NTNG1: variants seen among roughly 807,000 people sequenced by gnomAD.
The protein encoded by NTNG1 is netrin G1.
NTNG1 carries 16 observed loss-of-function variants against 54.0 expected under a neutral mutation model. The observed-to-expected ratio is 0.30, with a 90% confidence interval of 0.20 to 0.45. The LOEUF is 0.45. Ranked by LOEUF, NTNG1 falls within the 20% of genes least tolerant of loss-of-function variation. NTNG1 has a pLI of 1.00. For missense variants in NTNG1, 530 were observed against 678.7 expected (o/e 0.78, Z 2.43); for synonymous variants, 255 against 263.1 (o/e 0.97, Z 0.30).
intron 2 of NTNG1, among the ~76,000 whole-genome samples, chr1:107,221,773 G>C (rs1179466153): frequency 6.6e-6 from 1 of 151,988 alleles, no homozygotes; most frequent in Non-Finnish European, 1.5e-5. Context: ...AAAGAGAGTG[G>C]GACATTTTTG....
intron 5 of NTNG1, among the ~76,000 whole-genome samples, chr1:107,423,658 G>A (rs1456879781): frequency 2.6e-5 from 4 of 152,034 alleles, no homozygotes; most frequent in Admixed American, 2.6e-4. Context: ...TGTCTGAAAT[G>A]CAATTTGACA....
intron 2 of NTNG1, among the ~76,000 whole-genome samples, chr1:107,283,254 C>G (rs1484777673): frequency 6.6e-6 from 1 of 152,128 alleles, no homozygotes; most frequent in African/African-American, 2.4e-5. Flanking sequence ...GTACTAAATT[C>G]CAACTTGATT....
intron 2 of NTNG1, among the ~76,000 whole-genome samples, chr1:107,298,121 A>T (rs1161829625): frequency 6.6e-6 from 1 of 152,148 alleles, no homozygotes; most frequent in Non-Finnish European, 1.5e-5. Flanking sequence ...CAACAAATGG[A>T]TCAAAATTAA....
At chr1:107,170,292 C>G (rs912232111) in intron 2 of NTNG1, among the ~76,000 whole-genome samples, 1 of 152,030 alleles carries the variant, frequency 6.6e-6, no homozygotes, top group African/African-American at 2.4e-5. Context: ...GGAGTTTGAG[C>G]CTAAGGAAGA....
intron 3 of NTNG1, among the ~76,000 whole-genome samples, chr1:107,388,138 A>G (rs560574294): frequency 6.6e-6 from 1 of 152,312 alleles, no homozygotes; most frequent in African/African-American, 2.4e-5. Flanking sequence ...CTCATGGTGT[A>G]TCCATAGACT....
At chr1:107,453,604 A>T (rs1676754225) in intron 7 of NTNG1, among the ~76,000 whole-genome samples, 1 of 152,094 alleles carries the variant, frequency 6.6e-6, no homozygotes, top group Non-Finnish European at 1.5e-5. Flanking sequence ...TGTACTTAAG[A>T]TTTTCCTGCT....
intron 3 of NTNG1, among the ~76,000 whole-genome samples, chr1:107,388,148 T>C (rs1672131238): frequency 6.6e-6 from 1 of 152,198 alleles, no homozygotes; most frequent in African/African-American, 2.4e-5. Flanking sequence ...ATCCATAGAC[T>C]ATCCCATTAA....
chr1:107,175,417 G>C (rs1017629165), intron 2 of NTNG1, among the ~76,000 whole-genome samples: 2 of 152,160 alleles, frequency 1.3e-5, no homozygotes, highest in African/African-American at 4.8e-5. Flanking sequence ...TCCCTAGGTA[G>C]CCATCAGGAT....
At chr1:107,454,020 C>G (rs1439016681) in intron 7 of NTNG1, among the ~76,000 whole-genome samples, 1 of 152,116 alleles carries the variant, frequency 6.6e-6, no homozygotes, top group African/African-American at 2.4e-5. Flanking sequence ...ACCTCAAGCC[C>G]AACCCTCCTT....
rs374847450 is a variant in NTNG1, at chr1:107,141,800, T to C, written c.-526+660T>C. On this transcript the variant is annotated intron_variant, in intron 1 of 7. Transcript: ENST00000370068. ...ACAGGGGCCCCGCGCTCTCCCTCTC[T>C]CACGCACACCTGGCCACACACATCG... Among the ~76,000 whole-genome samples the C allele has an allele frequency of 6.5e-4, 99 of 152,296 alleles. 1 individual carries two copies. In the East Asian group the frequency reaches 0.018, roughly 27 times the overall value.
intron 2 of NTNG1, among the ~76,000 whole-genome samples, chr1:107,246,275 G>C (rs375656755): frequency 6.6e-6 from 1 of 151,984 alleles, no homozygotes; most frequent in Non-Finnish European, 1.5e-5. Context: ...GAATAGTCTC[G>C]ATCTCCTGAC....
intron 2 of NTNG1, among the ~76,000 whole-genome samples, chr1:107,169,141 T>C (rs866150181): frequency 6.6e-6 from 1 of 152,182 alleles, no homozygotes; most frequent in South Asian, 2.1e-4. Context: ...GGTTCCATTC[T>C]GATAATGAAA....
intron 3 of NTNG1, among the ~76,000 whole-genome samples, chr1:107,373,418 T>C (rs968769759): frequency 1.3e-5 from 2 of 152,128 alleles, no homozygotes; most frequent in East Asian, 1.9e-4. Flanking sequence ...TTTACAGATA[T>C]ATATATATCT....
chr1:107,246,408 CAAAAAA>C (rs61237534), intron 2 of NTNG1, among the ~76,000 whole-genome samples: 1 of 138,572 alleles, frequency 7.2e-6, no homozygotes, highest in Admixed American at 7.2e-5. Context: ...CTTGTTTAAG[CAAAAAA>C]AAAAAAAAAA....
chr1:107,247,507 G>C (rs1004915222), intron 2 of NTNG1, among the ~76,000 whole-genome samples: 1 of 152,170 alleles, frequency 6.6e-6, no homozygotes, highest in African/African-American at 2.4e-5. Context: ...CTTTCAGTGT[G>C]TGTTAGTGAA....
chr1:107,313,173 A>G (rs544509897), intron 2 of NTNG1, among the ~76,000 whole-genome samples: 6 of 152,240 alleles, frequency 3.9e-5, no homozygotes, highest in African/African-American at 1.4e-4. Context: ...GTTTCTCAAA[A>G]TTTTTATGAT....
chr1:107,459,793 G>A (rs920643642), intron 7 of NTNG1, among the ~76,000 whole-genome samples: 2 of 152,088 alleles, frequency 1.3e-5, no homozygotes, highest in Non-Finnish European at 2.9e-5. Flanking sequence ...ACACGGTTTT[G>A]GAATGTTTTA....
At position 107,151,528 on chromosome 1, in the gene NTNG1, T is replaced by C. The variant is rs1185135100; in HGVS notation, c.246+2689T>C. On this transcript the variant is annotated intron_variant, in intron 2 of 7. Transcript: ENST00000370068. ...ACTGCTTAGCCCCTATATGTAAATG[T>C]TTGCTGCAAAATTGTTTCAGTAATC... 2.6e-5 allele frequency among the ~76,000 whole-genome samples: 4 copies of C among 152,290 alleles called. No homozygotes were observed. The South Asian group carries it at 6.2e-4, about 24-fold the overall frequency.
At chr1:107,406,529 A>C (rs574826441) in intron 4 of NTNG1, among the ~76,000 whole-genome samples, 7 of 152,266 alleles carry the variant, frequency 4.6e-5, no homozygotes, top group African/African-American at 1.4e-4. Flanking sequence ...GACTTGCCTA[A>C]AATCACCCAG....
Sources: gnomAD v4.1 joint callset for allele counts (sites outside exome capture counted in the v4.1 genomes callset) on GRCh38, gnomAD v4.1.1 for gene constraint, MANE v1.5 for transcripts, NCBI Gene and HGNC (gene_info 2026-07-23, HGNC 2026-07-21) for gene names.